Variants in FGD4 observed in about 807,000 individuals in gnomAD.
The protein encoded by FGD4 is FYVE, RhoGEF and PH domain-containing protein 4.
In FGD4, 42 loss-of-function variants were observed where a neutral mutation model predicts 102.0. That is an observed-to-expected ratio of 0.41 (90% CI 0.32 to 0.53). FGD4 has a LOEUF of 0.53. Among genes scored for constraint, FGD4 ranks in the 20% least tolerant of loss-of-function variants. The pLI is 0.21. For missense variants in FGD4, 902 were observed against 1,078.2 expected (o/e 0.84, Z 2.29); for synonymous variants, 380 against 375.7 (o/e 1.01, Z -0.13).
chr12:32,520,428 T>TTTTTTG (rs1212675702), intron 1 of FGD4, among the ~76,000 whole-genome samples: 4 of 119,528 alleles, frequency 3.3e-5, no homozygotes, highest in Admixed American at 8.0e-5. Context: ...ATTGTGGGTT[T>TTTTTTG]TTTTGTTTTT....
At chr12:32,630,974 G>A (rs1565929289) in intron 14 of FGD4, among the ~76,000 whole-genome samples, 1 of 151,824 alleles carries the variant, frequency 6.6e-6, no homozygotes, top group Admixed American at 6.6e-5. Context: ...CCCAGGTCTT[G>A]ACCCCATCTC....
chr12:32,412,592 T>C (rs531221020), intron 1 of FGD4, among the ~76,000 whole-genome samples: 9 of 152,104 alleles, frequency 5.9e-5, no homozygotes, highest in Non-Finnish European at 8.8e-5. Context: ...GGCTGGGCAA[T>C]AGGGAGTCCC....
chr12:32,638,238 G>T (rs1950963150), intron 15 of FGD4, among the ~76,000 whole-genome samples: 1 of 152,198 alleles, frequency 6.6e-6, no homozygotes, highest in Non-Finnish European at 1.5e-5. Context: ...TTGAGAGGCT[G>T]AGGCAGAGGA....
chr12:32,493,210 A>C (rs1944172682), intron 1 of FGD4, among the ~76,000 whole-genome samples: 4 of 152,220 alleles, frequency 2.6e-5, no homozygotes, highest in Admixed American at 2.6e-4. Context: ...AGATACAGAA[A>C]AAAGGGTTTT....
At chr12:32,404,975 C>T (rs1381317322) in intron 1 of FGD4, among the ~76,000 whole-genome samples, 2 of 151,948 alleles carry the variant, frequency 1.3e-5, no homozygotes. Context: ...GCTCTGTTGC[C>T]CAGGCTGGAG....
chr12:32,633,661 A>G lies in FGD4; in HGVS notation c.2285A>G (p.Glu762Gly), dbSNP rs139663812. 5 of 1,592,122 alleles carry G rather than the reference A, an allele frequency of 3.1e-6. No homozygotes were observed. Among genetic ancestry groups the G allele is most frequent in the Non-Finnish European group, 4.3e-6 (5 of 1,161,112 alleles). ...ATCATAAGTGGATTCACAGACAGTG[A>G]AGAAAAGAAAAGAAAAGGAATTTTA... ...YQIISGFTDS[E>G]EKKRKGILEI... The change falls in exon 15 of 17, where the codon GAA becomes GGA. Residue 762 changes from glutamate (E) to glycine (G), a missense_variant. Glu to Gly is a moderately conservative substitution (Grantham distance 98). This residue lies in a region of FGD4 where 459 missense variants were observed against 619.0 expected (regional missense o/e 0.74). Coordinates refer to ENST00000534526, the MANE Select transcript of FGD4 (RefSeq NM_001370298.3).
chr12:32,541,681 A>G (rs1942845404), intron 1 of FGD4, among the ~76,000 whole-genome samples: 2 of 152,164 alleles, frequency 1.3e-5, no homozygotes, highest in African/African-American at 2.4e-5. Flanking sequence ...TTTTTTCTTA[A>G]AAAGAGAATA....
At chr12:32,444,697 G>A (rs185903568) in intron 1 of FGD4, among the ~76,000 whole-genome samples, 12 of 152,262 alleles carry the variant, frequency 7.9e-5, no homozygotes, top group African/African-American at 1.9e-4. Context: ...GAGCCACTGC[G>A]CATGGCCTAA....
intron 1 of FGD4, among the ~76,000 whole-genome samples, chr12:32,527,575 A>AC (rs1484191405): frequency 6.6e-6 from 1 of 152,066 alleles, no homozygotes; most frequent in Non-Finnish European, 1.5e-5. Context: ...GACTATAGGC[A>AC]CGTGCCACCA....
intron 4 of FGD4, among the ~76,000 whole-genome samples, chr12:32,592,097 T>G (rs1947523171): frequency 6.6e-6 from 1 of 151,990 alleles, no homozygotes; most frequent in Non-Finnish European, 1.5e-5. Context: ...TTTATTTATT[T>G]TTTGAGACAG....
intron 2 of FGD4, among the ~76,000 whole-genome samples, chr12:32,574,183 C>T (rs1052341923): frequency 2.6e-5 from 4 of 152,142 alleles, no homozygotes; most frequent in Non-Finnish European, 5.9e-5. Context: ...GTTTTTCTCT[C>T]ATCTGGCACA....
At chr12:32,612,136 G>T (rs1429999903) in intron 10 of FGD4, among the ~76,000 whole-genome samples, 2 of 152,350 alleles carry the variant, frequency 1.3e-5, no homozygotes, top group South Asian at 2.1e-4. Context: ...CCAAGGGGTT[G>T]CTGAGGGTGG....
intron 1 of FGD4, among the ~76,000 whole-genome samples, chr12:32,540,344 G>A (rs1942708940): frequency 6.6e-6 from 1 of 152,114 alleles, no homozygotes; most frequent in South Asian, 2.1e-4. Context: ...GGTAACATTG[G>A]AGCTAGATAT....
Position 32,625,049 on chromosome 12 carries a change from A to T in FGD4, c.2027A>T (p.Asp676Val). 6.2e-7 allele frequency: 1 copy of T among 1,612,934 alleles called. No homozygotes were observed. The change falls in exon 13 of 17, where the codon GAC becomes GTC. Residue 676 changes from aspartate (D) to valine (V), a missense_variant. Asp to Val is a radical substitution (Grantham distance 152). Around this residue, in one of 2 missense-constraint regions of FGD4, gnomAD observed 459 missense variants for 619.0 expected, o/e 0.74. Coordinates refer to ENST00000534526, the MANE Select transcript of FGD4 (RefSeq NM_001370298.3). Reference sequence around the variant, plus strand: ...AGAAATGCAATTGCAAAGGATAATGACATTCACTCAGAGGTTTCTGTGAGT... The same window carrying T: ...AGAAATGCAATTGCAAAGGATAATGTCATTCACTCAGAGGTTTCTGTGAGT... ...TFRNAIAKDN[D>V]IHSEVSTAEL...
At chr12:32,521,951 A>G (rs1000954727) in intron 1 of FGD4, among the ~76,000 whole-genome samples, 4 of 152,252 alleles carry the variant, frequency 2.6e-5, no homozygotes, top group African/African-American at 4.8e-5. Context: ...CATGATTACT[A>G]AAGTTGACAA....
chr12:32,402,316 T>A (rs566729056), intron 1 of FGD4, among the ~76,000 whole-genome samples: 1 of 151,690 alleles, frequency 6.6e-6, no homozygotes, highest in African/African-American at 2.4e-5. Flanking sequence ...GAGGATCGCT[T>A]GCGCTCAGGA....
At chr12:32,432,083 A>C (rs1942066179) in intron 1 of FGD4, among the ~76,000 whole-genome samples, 1 of 130,552 alleles carries the variant, frequency 7.7e-6, no homozygotes, top group African/African-American at 2.9e-5. Context: ...TTTTTTAGAC[A>C]GAGTCTCGCT....
intron 1 of FGD4, among the ~76,000 whole-genome samples, chr12:32,447,840 T>C (rs929303728): frequency 6.6e-6 from 1 of 152,230 alleles, no homozygotes; most frequent in African/African-American, 2.4e-5. Context: ...CCTTAGCATC[T>C]ACTACAGTGC....
intron 1 of FGD4, among the ~76,000 whole-genome samples, chr12:32,504,147 C>A (rs1025842381): frequency 2.6e-5 from 4 of 152,124 alleles, no homozygotes; most frequent in Non-Finnish European, 5.9e-5. Context: ...GTTGCATTGA[C>A]CAAATTTCCA....
Sources: gnomAD v4.1 joint callset for allele counts (sites outside exome capture counted in the v4.1 genomes callset) on GRCh38, gnomAD v4.1.1 for gene constraint, gnomAD v4.1.1 regional missense constraint, MANE v1.5 for transcripts, NCBI Gene and HGNC (gene_info 2026-07-23, HGNC 2026-07-21) for gene names.